ZFHX3: variants seen among roughly 807,000 people sequenced by gnomAD.
ZFHX3 encodes the protein zinc finger homeobox protein 3.
Under a neutral mutation model 279.1 loss-of-function variants are expected in ZFHX3, and 42 were observed. The ratio of observed to expected loss-of-function variants is 0.15; its 90% CI spans 0.12 to 0.19. The LOEUF (loss-of-function observed/expected upper bound fraction) is 0.19. Ranked by LOEUF, ZFHX3 falls within the 10% of genes least tolerant of loss-of-function variation. The pLI is 1.00. For synonymous variants in ZFHX3, 2,293 were observed against 1,957.8 expected, an observed-to-expected ratio of 1.17 and a Z score of -4.52; for missense variants, 4,981 against 4,754.0, an observed-to-expected ratio of 1.05 and a Z score of -1.40.
At chr16:72,890,939 A>G (rs965571104) in intron 3 of ZFHX3, among the ~76,000 whole-genome samples, 2 of 152,240 alleles carry the variant, frequency 1.3e-5, no homozygotes, top group Non-Finnish European at 2.9e-5. Flanking sequence ...TGACAGGAAA[A>G]GTTAAGCCAA....
At chr16:73,734,783 G>A (rs2053595659) in intron 1 of ZFHX3, among the ~76,000 whole-genome samples, 1 of 152,062 alleles carries the variant, frequency 6.6e-6, no homozygotes. Flanking sequence ...TACTAGTGAT[G>A]CTTTATGTGA....
chr16:73,240,344 G>A (rs1309912440), intron 5 of ZFHX3, among the ~76,000 whole-genome samples: 4 of 151,714 alleles, frequency 2.6e-5, no homozygotes, highest in Admixed American at 1.3e-4. Flanking sequence ...TCAGCCTCCC[G>A]AGTAGCTGGG....
At chr16:73,789,273 C>A (rs1283626606) in intron 1 of ZFHX3, among the ~76,000 whole-genome samples, 1 of 151,912 alleles carries the variant, frequency 6.6e-6, no homozygotes, top group Non-Finnish European at 1.5e-5. Context: ...CAACGCCTCC[C>A]AGGTTCAAGC....
At chr16:73,546,204 T>C (rs1247790769) in intron 2 of ZFHX3, among the ~76,000 whole-genome samples, 1 of 152,152 alleles carries the variant, frequency 6.6e-6, no homozygotes, top group Non-Finnish European at 1.5e-5. Context: ...CCCCCTCCCT[T>C]TCCCCCACTA....
At chr16:73,840,441 C>T (rs1285192015) in intron 1 of ZFHX3, among the ~76,000 whole-genome samples, 1 of 152,166 alleles carries the variant, frequency 6.6e-6, no homozygotes, top group Non-Finnish European at 1.5e-5. Flanking sequence ...ATGTTCATTC[C>T]AACCTAATTT....
At chr16:73,743,468 C>T (rs1195953475) in intron 1 of ZFHX3, among the ~76,000 whole-genome samples, 1 of 152,086 alleles carries the variant, frequency 6.6e-6, no homozygotes, top group Non-Finnish European at 1.5e-5. Context: ...TAGCTATTTC[C>T]AAATTTTCCT....
At chr16:73,318,750 G>A (rs1462780745) in intron 3 of ZFHX3, among the ~76,000 whole-genome samples, 2 of 152,046 alleles carry the variant, frequency 1.3e-5, no homozygotes, top group Admixed American at 6.5e-5. Context: ...GTAAACTAAC[G>A]GTATAATATC....
intron 7 of ZFHX3, among the ~76,000 whole-genome samples, chr16:72,810,246 C>T (rs12443798): frequency 2.9e-4 from 44 of 150,328 alleles, no homozygotes; most frequent in Non-Finnish European, 5.2e-4. Context: ...AGTGCAGTAG[C>T]GCAATGTCAG....
At chr16:73,310,066 G>A (rs909384578) in intron 4 of ZFHX3, among the ~76,000 whole-genome samples, 18 of 151,850 alleles carry the variant, frequency 1.2e-4, no homozygotes, top group Non-Finnish European at 1.8e-4. Flanking sequence ...CCACCACCAC[G>A]CCTGGCTCAT....
At chr16:73,669,895 C>A (rs1369815276) in intron 2 of ZFHX3, among the ~76,000 whole-genome samples, 1 of 152,124 alleles carries the variant, frequency 6.6e-6, no homozygotes, top group Admixed American at 6.5e-5. Flanking sequence ...TAAAACTGAT[C>A]TTGAGCTAAG....
chr16:73,598,610 G>A (rs1020127975), intron 2 of ZFHX3, among the ~76,000 whole-genome samples: 2 of 151,968 alleles, frequency 1.3e-5, no homozygotes, highest in African/African-American at 2.4e-5. Context: ...TGTAGAGTCA[G>A]AGTCTCTCTG....
At chr16:73,583,899 C>T (rs977620450) in intron 2 of ZFHX3, among the ~76,000 whole-genome samples, 2 of 151,948 alleles carry the variant, frequency 1.3e-5, no homozygotes, top group Non-Finnish European at 1.5e-5. Flanking sequence ...AAATGATTAA[C>T]ACTATATAAG....
intron 1 of ZFHX3, among the ~76,000 whole-genome samples, chr16:73,764,736 G>A (rs900311549): frequency 1.3e-5 from 2 of 152,166 alleles, no homozygotes; most frequent in Non-Finnish European, 2.9e-5. Context: ...AGCAAAAACA[G>A]TAGACAGCCT....
At chr16:73,519,908 T>C (rs1456717615) in intron 2 of ZFHX3, among the ~76,000 whole-genome samples, 1 of 152,174 alleles carries the variant, frequency 6.6e-6, no homozygotes, top group Non-Finnish European at 1.5e-5. Context: ...TTCTAGGAAA[T>C]GAAGTATGTT....
At chr16:73,787,856 A>T (rs866369354) in intron 1 of ZFHX3, among the ~76,000 whole-genome samples, 17 of 117,722 alleles carry the variant, frequency 1.4e-4, no homozygotes, top group South Asian at 2.5e-4. Context: ...TGTGTGTGAA[A>T]GAGAGAGAGA....
At chr16:73,017,786 C>A (rs1331185678) in intron 1 of ZFHX3, among the ~76,000 whole-genome samples, 1 of 152,138 alleles carries the variant, frequency 6.6e-6, no homozygotes, top group African/African-American at 2.4e-5. Flanking sequence ...TGGACTAGGG[C>A]TAGGGGTAAG....
intron 4 of ZFHX3, among the ~76,000 whole-genome samples, chr16:72,879,438 T>A (rs1345415709): frequency 6.6e-6 from 1 of 152,212 alleles, no homozygotes; most frequent in Admixed American, 6.5e-5. Context: ...TTCTTTTTTT[T>A]CTTTTGAGAC....
At chr16:73,137,054 G>A (rs2144828021) in intron 6 of ZFHX3, among the ~76,000 whole-genome samples, 1 of 152,096 alleles carries the variant, frequency 6.6e-6, no homozygotes, top group Non-Finnish European at 1.5e-5. Flanking sequence ...GGAACATTAT[G>A]GAACTGTCTT....
At chr16:73,012,857 G>A (rs1424994992) in intron 1 of ZFHX3, among the ~76,000 whole-genome samples, 1 of 152,172 alleles carries the variant, frequency 6.6e-6, no homozygotes, top group Non-Finnish European at 1.5e-5. Flanking sequence ...CAAAAATGGT[G>A]ATTCCATATG....
Sources: allele counts gnomAD v4.1 joint callset (sites outside exome capture counted in the v4.1 genomes callset), GRCh38; gene constraint gnomAD v4.1.1; transcripts MANE v1.5; gene names NCBI Gene and HGNC (gene_info 2026-07-23, HGNC 2026-07-21).